Variants in GNAI1 observed in about 807,000 individuals in gnomAD.
GNAI1 encodes the protein G protein subunit alpha i1.
In GNAI1, 11 loss-of-function variants were observed where a neutral mutation model predicts 38.9. The observed-to-expected ratio is 0.28, with a 90% CI of 0.18 to 0.47. The LOEUF (loss-of-function observed/expected upper bound fraction) is 0.47, where lower values mean the gene tolerates loss of function less well. Among genes scored for constraint, GNAI1 ranks in the 20% least tolerant of loss-of-function variants. GNAI1 has a pLI of 0.99. For missense variants in GNAI1, 317 were observed against 436.9 expected (o/e 0.73, Z 2.45); for synonymous variants, 166 against 145.1 (o/e 1.14, Z -1.04).
chr7:80,186,689 A>G (rs973101870), intron 1 of GNAI1, among the ~76,000 whole-genome samples: 7 of 152,152 alleles, frequency 4.6e-5, no homozygotes, highest in Admixed American at 2.0e-4. Flanking sequence ...ATCAAAGTTC[A>G]CTATATCTGT....
In GNAI1 at chr7:80,219,266, A is replaced by G. The variant is rs1185967915; in HGVS notation, c.*1773A>G. 1 of 152,608 alleles carries G rather than the reference A, an allele frequency of 6.6e-6. No homozygotes were observed. The highest frequency in any genetic ancestry group is 2.4e-5 in the African/African-American group (1 of 41,442). 9.5% of individuals were successfully genotyped at this position (152,608 alleles called of 1,614,324 possible). On this transcript the variant is annotated 3_prime_UTR_variant, in exon 8 of 8. Coordinates refer to ENST00000649796, the MANE Select transcript of GNAI1 (RefSeq NM_002069.6). ...TGTATGAAATTCAACTATAATATGA[A>G]TAAATTTGAATCATGAGAATTATGG...
At chr7:80,152,944 A>T (rs533229283) in intron 1 of GNAI1, among the ~76,000 whole-genome samples, 7 of 148,378 alleles carry the variant, frequency 4.7e-5, no homozygotes, top group East Asian at 3.9e-4. Flanking sequence ...GAAATTTATT[A>T]AAAAAAAAAC....
At chr7:80,174,571 T>C (rs865954652) in intron 1 of GNAI1, among the ~76,000 whole-genome samples, 6 of 151,964 alleles carry the variant, frequency 3.9e-5, no homozygotes, top group Admixed American at 6.5e-5. Flanking sequence ...AGTTTGCCTT[T>C]ATATTTTATT....
At chr7:80,147,399 GCT>G (rs1787643488) in intron 1 of GNAI1, among the ~76,000 whole-genome samples, 1 of 150,306 alleles carries the variant, frequency 6.7e-6, no homozygotes, top group African/African-American at 2.4e-5. Context: ...AGACACAGGA[GCT>G]CTCTTGCTTG....
intron 1 of GNAI1, among the ~76,000 whole-genome samples, chr7:80,149,607 C>A (rs1396300053): frequency 2.0e-5 from 3 of 152,112 alleles, no homozygotes; most frequent in Non-Finnish European, 4.4e-5. Flanking sequence ...GGACTATATA[C>A]TCTAAAGAAG....
chr7:80,160,485 A>T (rs1227698941), intron 1 of GNAI1, among the ~76,000 whole-genome samples: 2 of 152,100 alleles, frequency 1.3e-5, no homozygotes, highest in Non-Finnish European at 2.9e-5. Flanking sequence ...TTAATTAAGC[A>T]TTCAGGAGAA....
intron 5 of GNAI1, among the ~76,000 whole-genome samples, chr7:80,204,066 A>G (rs1001547966): frequency 2.0e-5 from 3 of 152,108 alleles, no homozygotes; most frequent in Non-Finnish European, 2.9e-5. Context: ...CGTTTTGCCT[A>G]TAGTTTTTAC....
intron 1 of GNAI1, among the ~76,000 whole-genome samples, chr7:80,174,585 G>T (rs1288426677): frequency 1.3e-5 from 2 of 149,902 alleles, no homozygotes; most frequent in Non-Finnish European, 3.0e-5. Context: ...TTTTATTTAT[G>T]GTTTTACTTT....
At chr7:80,165,233 C>G (rs1026257913) in intron 1 of GNAI1, among the ~76,000 whole-genome samples, 1 of 152,160 alleles carries the variant, frequency 6.6e-6, no homozygotes, top group African/African-American at 2.4e-5. Flanking sequence ...ATTTTCATCT[C>G]TCAGTAATGT....
intron 1 of GNAI1, among the ~76,000 whole-genome samples, chr7:80,187,971 C>CTA (rs1562836470): frequency 6.6e-6 from 1 of 152,162 alleles, no homozygotes; most frequent in East Asian, 1.9e-4. Context: ...TAGCATAGCA[C>CTA]TAGGAACTCA....
At chr7:80,154,710 AC>A (rs1446101582) in intron 1 of GNAI1, among the ~76,000 whole-genome samples, 1 of 152,190 alleles carries the variant, frequency 6.6e-6, no homozygotes, top group Non-Finnish European at 1.5e-5. Flanking sequence ...AATGATGTGC[AC>A]ATTGTATATT....
rs1266830278 is a variant in GNAI1 at position 80,134,862 on chromosome 7, CG to C, written c.-297del. 4.1e-5 allele frequency: 9 copies of C among 220,414 alleles called. No homozygotes were observed. Among genetic ancestry groups the C allele is most frequent in the Non-Finnish European group, 8.0e-5 (9 of 112,998 alleles). The allele number at this position is 220,414 out of a possible 1,614,324, so 13.7% of individuals were successfully genotyped here. A position where few individuals can be genotyped will look rare whatever the true frequency, so the allele number is the denominator to read the frequency against. ...GGCTGGGCTTGGCGAGGCTGCGGCG[CG>C]GCCACCGGCGGGAGTGCAGCGGCCA... On this transcript the variant is annotated 5_prime_UTR_variant, in exon 1 of 8. Coordinates refer to ENST00000649796, the MANE Select transcript of GNAI1 (RefSeq NM_002069.6).
intron 5 of GNAI1, among the ~76,000 whole-genome samples, chr7:80,210,275 A>G (rs527551703): frequency 6.6e-6 from 1 of 152,322 alleles, no homozygotes; most frequent in East Asian, 1.9e-4. Context: ...ACTAACCTAT[A>G]GTGGTTCACT....
intron 1 of GNAI1, among the ~76,000 whole-genome samples, chr7:80,148,169 TG>T (rs1323725187): frequency 6.6e-6 from 1 of 152,176 alleles, no homozygotes; most frequent in East Asian, 1.9e-4. Flanking sequence ...TACTGCTTTT[TG>T]CCAAAAACTA....
At chr7:80,196,654 C>A (rs919967367) in intron 3 of GNAI1, among the ~76,000 whole-genome samples, 1 of 151,782 alleles carries the variant, frequency 6.6e-6, no homozygotes, top group South Asian at 2.1e-4. Flanking sequence ...GCCTTGGGTT[C>A]GTTTTATACA....
In GNAI1 at chr7:80,226,098, GAAA is replaced by G. The variant is rs894073541; in HGVS notation, c.*8612_*8614del. Reference sequence around the variant, plus strand: ...TTTAAGTCCCTCTAACAATTATGAAGAAAAAAAAAGACTAGATTTTATATCAAC... The same window carrying G: ...TTTAAGTCCCTCTAACAATTATGAAGAAAAAAGACTAGATTTTATATCAAC... On this transcript the variant is annotated 3_prime_UTR_variant, in exon 8 of 8. Coordinates refer to ENST00000649796, the MANE Select transcript of GNAI1 (RefSeq NM_002069.6). Among the ~76,000 whole-genome samples, 6 of 149,280 alleles carry G rather than the reference GAAA, an allele frequency of 4.0e-5. No homozygotes were observed. The highest frequency in any genetic ancestry group is 1.5e-4 in the African/African-American group (6 of 40,774).
At chr7:80,184,597 C>A (rs1448647475) in intron 1 of GNAI1, among the ~76,000 whole-genome samples, 3 of 152,212 alleles carry the variant, frequency 2.0e-5, no homozygotes, top group African/African-American at 7.2e-5. Flanking sequence ...CTCTTCAGAT[C>A]TTATTGGGAA....
intron 1 of GNAI1, among the ~76,000 whole-genome samples, chr7:80,159,063 C>T (rs1323865036): frequency 6.6e-6 from 1 of 152,162 alleles, no homozygotes. Flanking sequence ...ATCTTGTGGC[C>T]TTGAAGAGTT....
chr7:80,205,446 C>T (rs371965376), intron 5 of GNAI1, among the ~76,000 whole-genome samples: 1 of 152,052 alleles, frequency 6.6e-6, no homozygotes, highest in African/African-American at 2.4e-5. Context: ...ATTGAGCACA[C>T]TCCAGTTGTC....
Sources: gnomAD v4.1 joint callset for allele counts (sites outside exome capture counted in the v4.1 genomes callset) on GRCh38, gnomAD v4.1.1 for gene constraint, MANE v1.5 for transcripts, NCBI Gene and HGNC (gene_info 2026-07-23, HGNC 2026-07-21) for gene names.